PLXDC1: variants seen among roughly 807,000 people sequenced by gnomAD.
The protein encoded by PLXDC1 is plexin domain containing 1, also known as plexin domain-containing protein 1.
In PLXDC1, 39 loss-of-function variants were observed where a neutral mutation model predicts 61.3. The observed-to-expected ratio is 0.64, with a 90% CI of 0.49 to 0.83. The LOEUF is 0.83. Ranked by LOEUF, PLXDC1 falls within the 40% of genes least tolerant of loss-of-function variation. PLXDC1 has a pLI of 0.00. For synonymous variants in PLXDC1, 212 were observed against 254.5 expected (o/e 0.83, Z 1.59); for missense variants, 596 against 666.5 (o/e 0.89, Z 1.17).
chr17:39,072,541 C>A, intron 11 of PLXDC1, 56 bp from the exon 12 acceptor site: 1 of 1,090,682 alleles, frequency 9.2e-7, no homozygotes, highest in South Asian at 1.3e-5. Flanking sequence ...CAGCCTTTGT[C>A]ACTCTGAGTC....
intron 2 of PLXDC1, among the ~76,000 whole-genome samples, chr17:39,117,339 T>TG (rs1394616397): frequency 2.0e-5 from 3 of 152,118 alleles, no homozygotes; most frequent in African/African-American, 4.8e-5. Flanking sequence ...AAACACCAGC[T>TG]GGGGGGTAGG....
intron 7 of PLXDC1, among the ~76,000 whole-genome samples, chr17:39,104,957 T>A (rs1910543557): frequency 6.6e-6 from 1 of 152,152 alleles, no homozygotes. Flanking sequence ...CGGGAAGCCC[T>A]GATTTCACAG....
intron 2 of PLXDC1, among the ~76,000 whole-genome samples, chr17:39,130,674 T>G (rs2143865310): frequency 6.6e-6 from 1 of 152,144 alleles, no homozygotes; most frequent in South Asian, 2.1e-4. Flanking sequence ...CCAATTCTCC[T>G]GCCTCAGCCT....
chr17:39,128,103 A>ATATGTATATATATATGTATATATATGTG, intron 2 of PLXDC1, among the ~76,000 whole-genome samples: 1 of 84,908 alleles, frequency 1.2e-5, no homozygotes, highest in African/African-American at 5.0e-5. Context: ...ATGTGTATAT[A>ATATGTATATATATATGTATATATATGTG]TATATATATA....
chr17:39,104,252 A>C (rs1318342633), intron 7 of PLXDC1, among the ~76,000 whole-genome samples: 1 of 152,190 alleles, frequency 6.6e-6, no homozygotes, highest in Non-Finnish European at 1.5e-5. Context: ...TATTTTACAG[A>C]TAAAGAAATA....
At chr17:39,135,162 A>C (rs145402002) in intron 2 of PLXDC1, among the ~76,000 whole-genome samples, 91 of 152,322 alleles carry the variant, frequency 6.0e-4, no homozygotes, top group African/African-American at 2.1e-3. Context: ...TGCACTCTCC[A>C]GATAAGTTAT....
chr17:39,100,462 G>A (rs1469817305), intron 7 of PLXDC1, among the ~76,000 whole-genome samples: 1 of 152,066 alleles, frequency 6.6e-6, no homozygotes. Flanking sequence ...CGACATATTG[G>A]CCAGGCTGGT....
chr17:39,133,616 A>G (rs115716043), intron 2 of PLXDC1, among the ~76,000 whole-genome samples: 2,609 of 152,156 alleles, frequency 0.017, 82 homozygotes, highest in African/African-American at 0.06. Flanking sequence ...CAATACATGG[A>G]TCATTCTTTT....
At chr17:39,117,131 T>C (rs971691985) in intron 2 of PLXDC1, among the ~76,000 whole-genome samples, 2 of 152,186 alleles carry the variant, frequency 1.3e-5, no homozygotes, top group Non-Finnish European at 2.9e-5. Context: ...TGGGCTTCAT[T>C]GTAAGGCTAG....
At chr17:39,120,606 G>GTTTTTT (rs34244449) in intron 2 of PLXDC1, among the ~76,000 whole-genome samples, 2 of 132,736 alleles carry the variant, frequency 1.5e-5, no homozygotes, top group African/African-American at 2.8e-5. Flanking sequence ...TTTATTTTAG[G>GTTTTTT]TTTTTTTTTT....
chr17:39,097,757 C>A (rs922616065), intron 7 of PLXDC1, among the ~76,000 whole-genome samples: 1 of 148,670 alleles, frequency 6.7e-6, no homozygotes, highest in African/African-American at 2.5e-5. Flanking sequence ...AATAAATAAG[C>A]TGGGCATGGT....
At chr17:39,094,600 C>A (rs1235542556) in intron 7 of PLXDC1, among the ~76,000 whole-genome samples, 1 of 152,172 alleles carries the variant, frequency 6.6e-6, no homozygotes, top group Non-Finnish European at 1.5e-5. Context: ...CGCAGCCAGA[C>A]CACAAGCTCC....
Position 39,128,105 on chromosome 17 carries a change from A to ATATACATATATATGTGTG in PLXDC1, c.255+11548_255+11549insCACACATATATATGTATA, listed in dbSNP as rs1555573184. Among the ~76,000 whole-genome samples the ATATACATATATATGTGTG allele has an allele frequency of 2.1e-3, 171 of 81,774 alleles. 4 individuals are homozygous for ATATACATATATATGTGTG. Among genetic ancestry groups the ATATACATATATATGTGTG allele is most frequent in the Non-Finnish European group, 3.4e-3 (144 of 42,134 alleles). 53.6% of individuals were successfully genotyped at this position (81,774 alleles called of 152,430 possible). A position where few individuals can be genotyped will look rare whatever the true frequency, so the allele number is the denominator to read the frequency against. On this transcript the variant is annotated intron_variant, in intron 2 of 13. Transcript: ENST00000315392. ...TCTCTCTCTCTCTATGTGTATATAT[A>ATATACATATATATGTGTG]TATATATATGTATATATATATGTGT...
chr17:39,125,171 G>A (rs1341370824), intron 2 of PLXDC1, among the ~76,000 whole-genome samples: 1 of 152,162 alleles, frequency 6.6e-6, no homozygotes, highest in Non-Finnish European at 1.5e-5. Context: ...ATAACCCCCA[G>A]CTGCCCTCTG....
chr17:39,100,497 C>A (rs1274014416), intron 7 of PLXDC1, among the ~76,000 whole-genome samples: 2 of 152,208 alleles, frequency 1.3e-5, no homozygotes, highest in Non-Finnish European at 2.9e-5. Context: ...CTCAGGAGAT[C>A]CCCTGCCTTG....
chr17:39,123,251 C>G (rs1911220411), intron 2 of PLXDC1, among the ~76,000 whole-genome samples: 1 of 152,098 alleles, frequency 6.6e-6, no homozygotes. Context: ...AGTGCAATAG[C>G]CGCATCTCAG....
chr17:39,129,416 A>G (rs1430762606), intron 2 of PLXDC1, among the ~76,000 whole-genome samples: 1 of 151,670 alleles, frequency 6.6e-6, no homozygotes, highest in African/African-American at 2.4e-5. Context: ...CAGGAGATCG[A>G]GTCCATCCTG....
chr17:39,128,125 A>ATGTGTACATATATGTATATATATG (rs1911396552), intron 2 of PLXDC1, among the ~76,000 whole-genome samples: 1 of 36,736 alleles, frequency 2.7e-5, no homozygotes, highest in East Asian at 1.4e-3. Context: ...GTATATATAT[A>ATGTGTACATATATGTATATATATG]TGTGTATATA....
At position 39,065,375 on chromosome 17, in the gene PLXDC1, T is replaced by C. The variant is rs1908854274; in HGVS notation, c.*2465A>G. The C allele has an allele frequency of 6.7e-6, 1 of 149,996 alleles. No individual in the cohort carries two copies. Among genetic ancestry groups the C allele is most frequent in the East Asian group, 2.0e-4 (1 of 5,096 alleles). The allele number at this position is 149,996 out of a possible 1,614,324, so 9.3% of individuals were successfully genotyped here. On this transcript the variant is annotated 3_prime_UTR_variant, in exon 14 of 14. Transcript: ENST00000315392. Reference sequence around the variant, plus strand: ...ATTGTCTACAGGATCCCTGACAATGTAAGCATTTCTTTTTCCGTTCTTTTT... The same window carrying C: ...ATTGTCTACAGGATCCCTGACAATGCAAGCATTTCTTTTTCCGTTCTTTTT...
Sources: gnomAD v4.1 joint callset for allele counts (sites outside exome capture counted in the v4.1 genomes callset) on GRCh38, gnomAD v4.1.1 for gene constraint, MANE v1.5 for transcripts, NCBI Gene and HGNC (gene_info 2026-07-23, HGNC 2026-07-21) for gene names.